MBNL1: variants seen among roughly 807,000 people sequenced by gnomAD.
MBNL1 encodes muscleblind like splicing regulator 1, also known as muscleblind-like protein 1.
MBNL1 carries 8 observed loss-of-function variants against 42.2 expected under a neutral mutation model. That is an observed-to-expected ratio of 0.19 (90% CI 0.11 to 0.34). The LOEUF is 0.34. Ranked by LOEUF, MBNL1 falls within the 10% of genes least tolerant of loss-of-function variation. MBNL1 has a pLI of 1.00. For synonymous variants in MBNL1, 169 were observed against 173.9 expected (o/e 0.97, Z 0.22); for missense variants, 309 against 495.3 (o/e 0.62, Z 3.57).
intron 2 of MBNL1, among the ~76,000 whole-genome samples, chr3:152,307,785 A>G (rs2063995560): frequency 6.6e-6 from 1 of 152,236 alleles, no homozygotes; most frequent in Admixed American, 6.5e-5. Flanking sequence ...AGAAAATATA[A>G]CTAACAGCAG....
At chr3:152,340,817 AACC>A (rs762539190) in intron 2 of MBNL1, 3 of 1,613,986 alleles carry the variant, frequency 1.9e-6, no homozygotes, top group Non-Finnish European at 2.5e-6. Context: ...ACTTTTGCAT[AACC>A]ACTGATCCCA....
chr3:152,405,993 C>G (rs1300456723), intron 2 of MBNL1, among the ~76,000 whole-genome samples: 1 of 152,156 alleles, frequency 6.6e-6, no homozygotes, highest in East Asian at 1.9e-4. Flanking sequence ...ACATAGTGAT[C>G]TGCCATTTCC....
At chr3:152,313,171 C>T (rs2068027034) in intron 2 of MBNL1, among the ~76,000 whole-genome samples, 1 of 152,030 alleles carries the variant, frequency 6.6e-6, no homozygotes, top group African/African-American at 2.4e-5. Flanking sequence ...TACAGGCGTG[C>T]ACCACCACAC....
rs1373797698 is a variant in MBNL1 at position 152,300,285 on chromosome 3, A to G, written c.92A>G (p.Asp31Gly). 6.2e-7 allele frequency: 1 copy of G among 1,614,078 alleles called. No individual in the cohort carries two copies. The highest frequency in any genetic ancestry group is 8.5e-7 in the Non-Finnish European group (1 of 1,179,906). ...EFQRGTCSRPDTECKFAHPSK... is the reference protein window; with the variant it reads ...EFQRGTCSRPGTECKFAHPSK... ...CAGAGGGGGACTTGCTCACGGCCAG[A>G]CACGGAATGTAAATTTGCACATCCT... Residue 31 changes from aspartate (D) to glycine (G), a missense_variant, in exon 2 of 10, where the codon GAC (aspartate) becomes GGC (glycine). By Grantham distance (94) the Asp-to-Gly change is moderately conservative. Coordinates refer to ENST00000324210, the MANE Select transcript of MBNL1 (RefSeq NM_021038.5).
rs139267958 is a variant in MBNL1 at position 152,257,865 on chromosome 3, C to A, written n.333+13425C>A. On this transcript the variant is annotated intron_variant and non_coding_transcript_variant, in intron 2 of 2. Coordinates refer to the MBNL1 transcript ENST00000477171. ...ATGCAACTGTGCATCTTATACTCTT[C>A]GTTAATGTGGTAGATACCATTTGCT... is the stretch of plus-strand genomic sequence containing the variant. Among the ~76,000 whole-genome samples the A allele has an allele frequency of 2.8e-4, 43 of 152,252 alleles. 1 individual carries two copies. The highest frequency in any genetic ancestry group is 1.0e-3 in the African/African-American group (42 of 41,548).
At chr3:152,353,778 G>C in intron 2 of MBNL1, among the ~76,000 whole-genome samples, 1 of 149,188 alleles carries the variant, frequency 6.7e-6, no homozygotes, top group East Asian at 2.0e-4. Context: ...TGCAAATTCA[G>C]AGGTTCACAA....
chr3:152,310,163 G>A (rs1213857980), intron 2 of MBNL1, among the ~76,000 whole-genome samples: 1 of 152,198 alleles, frequency 6.6e-6, no homozygotes, highest in Non-Finnish European at 1.5e-5. Flanking sequence ...TAGTCAGAAT[G>A]AGTACACCAC....
chr3:152,283,167 T>G (rs1221005908), intron 1 of MBNL1, among the ~76,000 whole-genome samples: 1 of 152,220 alleles, frequency 6.6e-6, no homozygotes, highest in Non-Finnish European at 1.5e-5. Flanking sequence ...ACTGAGTTTT[T>G]TAATTCAATG....
At chr3:152,410,956 G>C (rs1037971631) in intron 2 of MBNL1, among the ~76,000 whole-genome samples, 16 of 152,326 alleles carry the variant, frequency 1.1e-4, no homozygotes, top group Admixed American at 4.6e-4. Context: ...TTATTAGCTT[G>C]AGAACTTAGA....
intron 3 of MBNL1, among the ~76,000 whole-genome samples, chr3:152,418,614 T>TAAA (rs35149542): frequency 5.2e-4 from 56 of 106,920 alleles, no homozygotes; most frequent in African/African-American, 1.9e-3. Flanking sequence ...ACCCTGTCTC[T>TAAA]AAAAAAAAAA....
At chr3:152,309,384 T>C (rs540165170) in intron 2 of MBNL1, among the ~76,000 whole-genome samples, 87 of 152,324 alleles carry the variant, frequency 5.7e-4, no homozygotes, top group African/African-American at 1.9e-3. Flanking sequence ...TATTTTAGTT[T>C]ATGTTAATAT....
At chr3:152,280,592 CGTTTATG>C (rs1045396890) in intron 1 of MBNL1, among the ~76,000 whole-genome samples, 1 of 152,106 alleles carries the variant, frequency 6.6e-6, no homozygotes, top group Non-Finnish European at 1.5e-5. Flanking sequence ...CTCAGGTTAA[CGTTTATG>C]TTAACAGAAA....
intron 3 of MBNL1, among the ~76,000 whole-genome samples, chr3:152,417,886 T>G (rs2098729258): frequency 6.6e-6 from 1 of 152,170 alleles, no homozygotes; most frequent in African/African-American, 2.4e-5. Context: ...ACAAGAAATA[T>G]GCCACTAAGC....
intron 2 of MBNL1, among the ~76,000 whole-genome samples, chr3:152,261,741 A>C (rs1433692536): frequency 6.6e-6 from 1 of 152,110 alleles, no homozygotes; most frequent in Non-Finnish European, 1.5e-5. Context: ...CTGAACAACA[A>C]ACTTTCTCCT....
Position 152,280,305 on chromosome 3 carries a change from C to T in MBNL1, c.-790+11213C>T, listed in dbSNP as rs867801812. ...AGTGTGGAATTTGCCTAAAACCATT[C>T]GGTAGACAGGTTAACTCTTTAGATA... On this transcript the variant is annotated intron_variant, in intron 1 of 9. Transcript: ENST00000324210. Among the ~76,000 whole-genome samples the T allele has an allele frequency of 6.6e-5, 10 of 152,018 alleles. No individual in the cohort carries two copies. In the South Asian group the frequency reaches 1.5e-3, roughly 22 times the overall value.
At chr3:152,283,274 C>T (rs2049581007) in intron 1 of MBNL1, among the ~76,000 whole-genome samples, 1 of 152,180 alleles carries the variant, frequency 6.6e-6, no homozygotes, top group African/African-American at 2.4e-5. Context: ...AGTGTTGCAT[C>T]TACAACTTTC....
At chr3:152,323,554 A>T (rs1338900931) in intron 2 of MBNL1, among the ~76,000 whole-genome samples, 1 of 152,150 alleles carries the variant, frequency 6.6e-6, no homozygotes, top group East Asian at 1.9e-4. Flanking sequence ...CATAGAGTAT[A>T]CTTACACAAA....
intron 2 of MBNL1, among the ~76,000 whole-genome samples, chr3:152,303,414 G>A (rs761173963): frequency 3.3e-5 from 5 of 152,126 alleles, no homozygotes; most frequent in African/African-American, 9.7e-5. Context: ...GCGTATTCAA[G>A]CTGAGACTTA....
At chr3:152,402,650 A>C (rs2098275917) in intron 2 of MBNL1, among the ~76,000 whole-genome samples, 1 of 151,666 alleles carries the variant, frequency 6.6e-6, no homozygotes, top group Non-Finnish European at 1.5e-5. Flanking sequence ...CTTGGATAAC[A>C]GTAGTAAGCA....
Sources: gnomAD v4.1 joint callset for allele counts (sites outside exome capture counted in the v4.1 genomes callset) on GRCh38, gnomAD v4.1.1 for gene constraint, MANE v1.5 for transcripts, NCBI Gene and HGNC (gene_info 2026-07-23, HGNC 2026-07-21) for gene names.